The following RBM10 variants were observed in gnomAD, a reference collection of about 807,000 sequenced individuals.
RBM10 encodes RNA-binding protein 10.
In RBM10, 1 loss-of-function variant was observed where a neutral mutation model predicts 84.9. That is an observed-to-expected ratio of 0.01 (90% CI 0.00 to 0.06). The LOEUF is 0.06. Ranked by LOEUF, RBM10 falls within the 10% of genes least tolerant of loss-of-function variation. The pLI, the probability that RBM10 is intolerant of heterozygous loss-of-function variation, is 1.00. For missense variants in RBM10, 438 were observed against 839.0 expected (o/e 0.52, Z 5.90); for synonymous variants, 326 against 344.5 (o/e 0.95, Z 0.60).
At chrX:47,152,648 T>TGTTGGTCAG (rs782233864) in intron 2 of RBM10, among the ~76,000 whole-genome samples, 1 of 107,170 alleles carries the variant, frequency 9.3e-6, no homozygotes, top group South Asian at 4.2e-4. Flanking sequence ...GGTTTCACCA[T>TGTTGGTCAG]GTTGGTCAGG....
chrX:47,159,878 C>T (rs1259626824), intron 2 of RBM10, among the ~76,000 whole-genome samples: 3 of 112,380 alleles, frequency 2.7e-5, no homozygotes, highest in Admixed American at 9.5e-5. Context: ...TGGCTCATGC[C>T]TGTAATCCCA....
At chrX:47,161,347 T>C (rs1172712156) in intron 2 of RBM10, among the ~76,000 whole-genome samples, 2 of 111,326 alleles carry the variant, frequency 1.8e-5, no homozygotes, top group Admixed American at 1.9e-4. Context: ...ACTAATTTGT[T>C]TTCCCCTTGT....
In RBM10 at chrX:47,174,853, C is replaced by T. The variant is rs1413613658; in HGVS notation, c.503-166C>T. ...GGCCATCTACCTTGCCCCCCACGCC[C>T]GCTAGTCTTTCTCTCTCTGATTGCC... On this transcript the variant is annotated intron_variant, in intron 5 of 23. Transcript: ENST00000377604. 5.5e-5 allele frequency among the ~76,000 whole-genome samples: 6 copies of T among 109,243 alleles called. No individual in the cohort carries two copies. The East Asian group carries it at 8.7e-4, about 16-fold the overall frequency. 94.9% of individuals were successfully genotyped at this position (109,243 alleles called of 115,157 possible).
intron 2 of RBM10, among the ~76,000 whole-genome samples, chrX:47,153,269 A>G (rs1430836677): frequency 8.9e-6 from 1 of 112,361 alleles, no homozygotes; most frequent in Non-Finnish European, 1.9e-5. Flanking sequence ...TATTCTATAT[A>G]AAGCCCATAT....
rs35919377 is a variant in RBM10 at position 47,163,859 on chromosome X, A to ATTTTTTTT, written c.18-5436_18-5429dup. On this transcript the variant is annotated intron_variant, in intron 2 of 23. Coordinates refer to ENST00000377604, the MANE Select transcript of RBM10 (RefSeq NM_005676.5). ...AGGCGCCTGCCACCACGCCTGGCTA[A>ATTTTTTTT]TTTTTTTTTTTTTTTTTTTTTTTTT... is the stretch of plus-strand genomic sequence containing the variant. Among the ~76,000 whole-genome samples the ATTTTTTTT allele has an allele frequency of 2.5e-4, 10 of 40,104 alleles. 1 individual carries two copies. The highest frequency in any genetic ancestry group is 1.6e-3 in the African/African-American group (10 of 6,216). The allele number at this position is 40,104 out of a possible 115,157, so 34.8% of individuals were successfully genotyped here.
At chrX:47,182,380 C>T (rs1232594679) in intron 17 of RBM10, 54 bp downstream of exon 17, 34 of 1,169,635 alleles carry the variant, frequency 2.9e-5, no homozygotes, top group Middle Eastern at 2.4e-4. Flanking sequence ...CTTCCAGCAA[C>T]GGCACTCTGT....
At chrX:47,180,879 T>G (rs1332595341) in intron 12 of RBM10, among the ~76,000 whole-genome samples, 2 of 111,016 alleles carry the variant, frequency 1.8e-5, no homozygotes, top group African/African-American at 6.6e-5. Context: ...AACGTATAAG[T>G]GGTTGAGAGA....
At chrX:47,173,744 G>A (rs920739122) in intron 5 of RBM10, among the ~76,000 whole-genome samples, 2 of 103,470 alleles carry the variant, frequency 1.9e-5, no homozygotes, top group Non-Finnish European at 4.0e-5. Flanking sequence ...CAGGCTGCTT[G>A]GAGCTGGCCT....
At chrX:47,181,156 C>CA in intron 12 of RBM10, 59 bp from the exon 13 acceptor site, 1 of 67,890 alleles carries the variant, frequency 1.5e-5, no homozygotes, top group African/African-American at 7.3e-5. Flanking sequence ...CTAGCAGGTT[C>CA]CCCACCCCCC....
rs1051383146 is a variant in RBM10 at position 47,145,348 on chromosome X, C to G, written c.-263C>G. On this transcript the variant is annotated 5_prime_UTR_variant, in exon 1 of 24. Transcript: ENST00000377604. ...GAGGGCAGCGCGCTTGGCGCTTCTC[C>G]CCTCCCCCCGATCTGCCTCCAGTCT... The G allele has an allele frequency of 5.9e-5, 55 of 940,159 alleles. No individual in the cohort carries two copies. Among genetic ancestry groups the G allele is most frequent in the Non-Finnish European group, 8.1e-5 (55 of 677,391 alleles). 77.5% of individuals were successfully genotyped at this position (940,159 alleles called of 1,213,427 possible). A position where few individuals can be genotyped will look rare whatever the true frequency, so the allele number is the denominator to read the frequency against.
intron 7 of RBM10, 124 bp from the exon 8 acceptor site, chrX:47,178,979 A>G: frequency 8.7e-7 from 1 of 1,151,534 alleles, no homozygotes; most frequent in Non-Finnish European, 1.2e-6. Flanking sequence ...GGCACCTGCC[A>G]CCATTGCCTA....
At position 47,171,044 on chromosome X, in the gene RBM10, C is replaced by T. The variant is rs2147134658; in HGVS notation, c.218C>T (p.Ser73Phe). ...GTCGGCCAGGATTCCTACGAGGCCT[C>T]CCCGGGCTCCGAGACTCAGCGTAGG... ...EQSAEDSYEA[S>F]PGSETQRRRR... Residue 73 changes from serine (S) to phenylalanine (F), a missense_variant, in exon 4 of 24, where the codon TCC (serine) becomes TTC (phenylalanine). Transcript: ENST00000377604. 6.6e-6 allele frequency: 8 copies of T among 1,211,000 alleles called. No homozygotes were observed. Among genetic ancestry groups the T allele is most frequent in the Non-Finnish European group, 8.9e-6 (8 of 895,024 alleles).
At chrX:47,162,043 ATG>A (rs1346648773) in intron 2 of RBM10, among the ~76,000 whole-genome samples, 8 of 110,823 alleles carry the variant, frequency 7.2e-5, no homozygotes, top group Admixed American at 3.8e-4. Flanking sequence ...GGGTTTCACC[ATG>A]TTGGCCAGGC....
At position 47,145,279 on chromosome X, in the gene RBM10, G is replaced by T. The variant is rs1932007444; in HGVS notation, c.-332G>T. On this transcript the variant is annotated 5_prime_UTR_variant, in exon 1 of 24. Coordinates refer to ENST00000377604, the MANE Select transcript of RBM10 (RefSeq NM_005676.5). ...TTCTCGTCGTCGCCATTTTGAGCTG[G>T]TGACTGTGGCCGGCTGGGAGTAGGC... The T allele has an allele frequency of 5.5e-6, 3 of 544,644 alleles. No homozygotes were observed. The highest frequency in any genetic ancestry group is 9.3e-6 in the Non-Finnish European group (3 of 321,529). 44.9% of individuals were successfully genotyped at this position (544,644 alleles called of 1,213,427 possible).
Position 47,181,491 on chromosome X carries a change from C to T in RBM10, c.1436-16C>T, listed in dbSNP as rs1935533165. 4.1e-6 allele frequency: 5 copies of T among 1,210,325 alleles called. No homozygotes were observed. Among genetic ancestry groups the T allele is most frequent in the Non-Finnish European group, 5.6e-6 (5 of 895,057 alleles). Reference sequence around the variant, plus strand: ...ATTATTCACAGGCATTGTCCCTGCCCTGTCCCTCCTTACAGGTCCCGAGGC... The same window carrying T: ...ATTATTCACAGGCATTGTCCCTGCCTTGTCCCTCCTTACAGGTCCCGAGGC... On this transcript the variant is annotated splice_polypyrimidine_tract_variant and intron_variant, in intron 13 of 23. Transcript: ENST00000377604.
chrX:47,173,889 A>ATCTCTCTCTCTCTCTCTCTCTC (rs537480494), intron 5 of RBM10, among the ~76,000 whole-genome samples: 2 of 38,594 alleles, frequency 5.2e-5, no homozygotes, highest in Non-Finnish European at 4.3e-5. Flanking sequence ...CCACACCTCC[A>ATCTCTCTCTCTCTCTCTCTCTC]TCTCTCTCTC....
In RBM10 at chrX:47,145,297, G is replaced by T; in HGVS notation, c.-314G>T. The T allele has an allele frequency of 1.6e-6, 1 of 610,820 alleles. No homozygotes were observed. Among genetic ancestry groups the T allele is most frequent in the Non-Finnish European group, 2.6e-6 (1 of 378,226 alleles). 50.3% of individuals were successfully genotyped at this position (610,820 alleles called of 1,213,427 possible). A position where few individuals can be genotyped will look rare whatever the true frequency, so the allele number is the denominator to read the frequency against. On this transcript the variant is annotated 5_prime_UTR_variant, in exon 1 of 24. Coordinates refer to ENST00000377604, the MANE Select transcript of RBM10 (RefSeq NM_005676.5). ...TGAGCTGGTGACTGTGGCCGGCTGG[G>T]AGTAGGCGGCAGTGAGTTTCCCTGG... is the stretch of plus-strand genomic sequence containing the variant.
At chrX:47,180,361 C>T (rs1935440062) in intron 11 of RBM10, 52 bp downstream of exon 11, 1 of 1,130,239 alleles carries the variant, frequency 8.8e-7, no homozygotes, top group Non-Finnish European at 1.2e-6. Flanking sequence ...CACCCTCCCA[C>T]TCCCCCCTAC....
chrX:47,164,623 T>C (rs1229144111), intron 2 of RBM10, among the ~76,000 whole-genome samples: 4 of 110,779 alleles, frequency 3.6e-5, no homozygotes, highest in African/African-American at 9.9e-5. Flanking sequence ...AAATAACAAG[T>C]GTTGGTGAGG....
Sources: gnomAD v4.1 joint callset for allele counts (sites outside exome capture counted in the v4.1 genomes callset) on GRCh38, gnomAD v4.1.1 for gene constraint, MANE v1.5 for transcripts, NCBI Gene and HGNC (gene_info 2026-07-23, HGNC 2026-07-21) for gene names.